The following SCAPER variants were observed in gnomAD, a reference collection of about 807,000 sequenced individuals.
SCAPER encodes the protein S phase cyclin A-associated protein in the endoplasmic reticulum.
In SCAPER, 98 loss-of-function variants were observed where a neutral mutation model predicts 182.2. The observed-to-expected ratio is 0.54, with a 90% CI of 0.46 to 0.64. The LOEUF is 0.64. SCAPER is among the 30% of genes least tolerant of loss of function. The pLI is 0.00. For missense variants in SCAPER, 1,432 were observed against 1,690.0 expected, an observed-to-expected ratio of 0.85 and a Z score of 2.68; for synonymous variants, 605 against 564.6, an observed-to-expected ratio of 1.07 and a Z score of -1.01.
At chr15:76,858,513 A>C (rs1240509897) in intron 3 of SCAPER, among the ~76,000 whole-genome samples, 1 of 152,024 alleles carries the variant, frequency 6.6e-6, no homozygotes, top group African/African-American at 2.4e-5. Context: ...GGTTTGCTAT[A>C]CAGGCAAATT....
intron 17 of SCAPER, among the ~76,000 whole-genome samples, chr15:76,720,523 G>A (rs568146861): frequency 1.3e-5 from 2 of 152,284 alleles, no homozygotes; most frequent in African/African-American, 2.4e-5. Flanking sequence ...CACAATGGTT[G>A]AACTAGTTTA....
At chr15:76,559,201 A>ATTTTTTTTTTT (rs58642207) in intron 23 of SCAPER, among the ~76,000 whole-genome samples, 7 of 121,808 alleles carry the variant, frequency 5.7e-5, no homozygotes, top group African/African-American at 1.5e-4. Context: ...CACCCAGCTA[A>ATTTTTTTTTTT]TTTTTTTTTT....
chr15:76,581,375 A>G (rs1460264800), intron 22 of SCAPER, among the ~76,000 whole-genome samples: 1 of 152,216 alleles, frequency 6.6e-6, no homozygotes, highest in Non-Finnish European at 1.5e-5. Context: ...CAATAGGTCA[A>G]TATCCCTGAT....
At chr15:76,749,491 C>T (rs2061975524) in intron 15 of SCAPER, among the ~76,000 whole-genome samples, 1 of 151,560 alleles carries the variant, frequency 6.6e-6, no homozygotes, top group African/African-American at 2.4e-5. Context: ...CCAGCTATTG[C>T]AATAAAAGGA....
chr15:76,458,921 G>A (rs1370738071), intron 25 of SCAPER, among the ~76,000 whole-genome samples: 1 of 151,936 alleles, frequency 6.6e-6, no homozygotes, highest in Non-Finnish European at 1.5e-5. Flanking sequence ...TTGAGACAAG[G>A]TTTCATTCTG....
intron 23 of SCAPER, among the ~76,000 whole-genome samples, chr15:76,559,044 T>C (rs1051567680): frequency 2.0e-5 from 3 of 151,908 alleles, no homozygotes; most frequent in Non-Finnish European, 2.9e-5. Flanking sequence ...GATCTGGTTT[T>C]TTTTTTCGGA....
intron 8 of SCAPER, among the ~76,000 whole-genome samples, chr15:76,776,753 A>T (rs774064244): frequency 6.6e-6 from 1 of 152,154 alleles, no homozygotes; most frequent in Non-Finnish European, 1.5e-5. Flanking sequence ...TGAGCTTATA[A>T]AACCGGTAGG....
chr15:76,741,198 C>T (rs551149177), intron 15 of SCAPER, among the ~76,000 whole-genome samples: 1 of 152,052 alleles, frequency 6.6e-6, no homozygotes, highest in East Asian at 1.9e-4. Context: ...TAAGATTATC[C>T]ATTCATGCAA....
chr15:76,746,483 T>C (rs2061799908), intron 15 of SCAPER, among the ~76,000 whole-genome samples: 1 of 152,244 alleles, frequency 6.6e-6, no homozygotes, highest in Non-Finnish European at 1.5e-5. Flanking sequence ...ATGTCTACTC[T>C]CACTACTTCT....
intron 23 of SCAPER, 141 bp downstream of exon 23, chr15:76,574,017 A>C (rs1309720251): frequency 2.4e-6 from 2 of 826,882 alleles, no homozygotes; most frequent in Non-Finnish European, 3.2e-6. Context: ...AAAGTAAAAA[A>C]AAAAATTCAT....
At chr15:76,661,766 A>G (rs954654724) in intron 21 of SCAPER, among the ~76,000 whole-genome samples, 1 of 152,232 alleles carries the variant, frequency 6.6e-6, no homozygotes, top group African/African-American at 2.4e-5. Context: ...TGTGGAAGAC[A>G]GTGTGGCGAT....
intron 21 of SCAPER, among the ~76,000 whole-genome samples, chr15:76,661,368 A>G (rs2056146650): frequency 6.6e-6 from 1 of 152,232 alleles, no homozygotes; most frequent in Non-Finnish European, 1.5e-5. Context: ...ATAGCAAAAC[A>G]AACTATCATA....
At chr15:76,768,971 C>T (rs1452613013) in intron 10 of SCAPER, among the ~76,000 whole-genome samples, 1 of 152,040 alleles carries the variant, frequency 6.6e-6, no homozygotes, top group African/African-American at 2.4e-5. Flanking sequence ...GGATAAATCT[C>T]AAAATAAATA....
At chr15:76,573,969 AC>A (rs1417137305) in intron 23 of SCAPER, among the ~76,000 whole-genome samples, 188 bp downstream of exon 23, 1 of 152,148 alleles carries the variant, frequency 6.6e-6, no homozygotes, top group Non-Finnish European at 1.5e-5. Flanking sequence ...TTAAAAAAAA[AC>A]CTGAAAATAG....
At chr15:76,451,796 A>G (rs2048381828) in intron 25 of SCAPER, among the ~76,000 whole-genome samples, 1 of 152,202 alleles carries the variant, frequency 6.6e-6, no homozygotes, top group African/African-American at 2.4e-5. Flanking sequence ...ATTTACTGGA[A>G]AAGACAGAAG....
At chr15:76,416,880 T>A (rs2045685699) in intron 26 of SCAPER, among the ~76,000 whole-genome samples, 1 of 152,154 alleles carries the variant, frequency 6.6e-6, no homozygotes, top group African/African-American at 2.4e-5. Context: ...TTTGCAAGTT[T>A]CTACTGACTT....
chr15:76,625,643 C>T (rs1458098403), intron 21 of SCAPER, among the ~76,000 whole-genome samples: 1 of 152,130 alleles, frequency 6.6e-6, no homozygotes, highest in East Asian at 1.9e-4. Flanking sequence ...TCTGTAGCTG[C>T]TCAGGGCTCA....
intron 20 of SCAPER, among the ~76,000 whole-genome samples, chr15:76,691,824 T>C (rs1481449757): frequency 6.6e-6 from 1 of 152,130 alleles, no homozygotes; most frequent in Non-Finnish European, 1.5e-5. Flanking sequence ...CTCTTAAAAG[T>C]GTAAAAGACG....
At chr15:76,431,704 A>AAAAAAAAAAAAAAAG (rs61401621) in intron 26 of SCAPER, among the ~76,000 whole-genome samples, 1 of 127,512 alleles carries the variant, frequency 7.8e-6, no homozygotes, top group African/African-American at 2.7e-5. Context: ...AAAAAAAAAA[A>AAAAAAAAAAAAAAAG]TGCTTTGTTT....
Sources: gnomAD v4.1 joint callset for allele counts (sites outside exome capture counted in the v4.1 genomes callset) on GRCh38, gnomAD v4.1.1 for gene constraint, MANE v1.5 for transcripts, NCBI Gene and HGNC (gene_info 2026-07-23, HGNC 2026-07-21) for gene names.